Variants in ENPP6 observed in about 807,000 individuals in gnomAD.
ENPP6 encodes glycerophosphocholine cholinephosphodiesterase ENPP6.
ENPP6 carries 32 observed loss-of-function variants against 42.0 expected under a neutral mutation model. The ratio of observed to expected loss-of-function variants is 0.76; its 90% CI spans 0.58 to 1.02. The LOEUF (loss-of-function observed/expected upper bound fraction) is 1.02, where lower values mean the gene tolerates loss of function less well. Ranked by LOEUF, ENPP6 falls within the 50% of genes least tolerant of loss-of-function variation. ENPP6 has a pLI of 0.00. For missense variants in ENPP6, 552 were observed against 566.8 expected (o/e 0.97, Z 0.27); for synonymous variants, 213 against 216.0 (o/e 0.99, Z 0.12).
intron 1 of ENPP6, among the ~76,000 whole-genome samples, chr4:184,207,739 G>C (rs1279505277): frequency 6.6e-6 from 1 of 152,122 alleles, no homozygotes; most frequent in Non-Finnish European, 1.5e-5. Flanking sequence ...AGCACGCTGG[G>C]GCCCTACTCC....
In ENPP6 at chr4:184,184,245, T is replaced by G. The variant is rs778487969; in HGVS notation, c.242-30512A>C. On this transcript the variant is annotated intron_variant, in intron 1 of 7. Transcript: ENST00000296741. The surrounding 1 kb of genome is among the most constrained non-coding windows in gnomAD (Gnocchi z 4.7). ...AGCACCAAGAGCTTTAAGTTTGGAA[T>G]GATTATATTTAGAATAAAAGACAAG... Among the ~76,000 whole-genome samples, 7 of 152,182 alleles carry G rather than the reference T, an allele frequency of 4.6e-5. No individual in the cohort carries two copies. The highest frequency in any genetic ancestry group is 8.8e-5 in the Non-Finnish European group (6 of 68,014).
At chr4:184,157,399 C>T (rs907559347) in intron 1 of ENPP6, among the ~76,000 whole-genome samples, 3 of 137,688 alleles carry the variant, frequency 2.2e-5, no homozygotes, top group East Asian at 2.5e-4. Context: ...TAAATAAATT[C>T]GTTCTTTCTC....
intron 4 of ENPP6, among the ~76,000 whole-genome samples, 175 bp from the exon 5 acceptor site, chr4:184,117,210 G>A: frequency 6.6e-6 from 1 of 152,184 alleles, no homozygotes; most frequent in African/African-American, 2.4e-5. Context: ...GCCCTTTGCG[G>A]AGGGGACTGT....
intron 2 of ENPP6, among the ~76,000 whole-genome samples, chr4:184,129,316 A>G (rs1736557506): frequency 6.6e-6 from 1 of 151,858 alleles, no homozygotes; most frequent in Non-Finnish European, 1.5e-5. Flanking sequence ...ACACACACAC[A>G]CACACACACA....
At chr4:184,160,699 GCTCT>G (rs66473413) in intron 1 of ENPP6, among the ~76,000 whole-genome samples, 62,103 of 151,498 alleles carry the variant, frequency 0.41, 13,071 homozygotes, top group East Asian at 0.6. Context: ...ATCAGCTGGA[GCTCT>G]CTCTCTCTTG....
intron 1 of ENPP6, among the ~76,000 whole-genome samples, chr4:184,187,528 C>G (rs1732650991): frequency 6.6e-6 from 1 of 152,220 alleles, no homozygotes. Context: ...TGTCGCTGTT[C>G]CCTGCCTGGA....
intron 2 of ENPP6, among the ~76,000 whole-genome samples, chr4:184,130,724 A>AAG (rs1204847645): frequency 6.2e-5 from 1 of 16,224 alleles, no homozygotes; most frequent in Admixed American, 3.3e-4. Flanking sequence ...CCTAACTGAC[A>AAG]AGAGAGAGAG....
chr4:184,162,547 A>AGAGGAGGGAGG (rs1553998037), intron 1 of ENPP6, among the ~76,000 whole-genome samples: 1 of 34,524 alleles, frequency 2.9e-5, no homozygotes, highest in African/African-American at 4.8e-5. Context: ...GAGGGAGGGA[A>AGAGGAGGGAGG]GAAGGAAGGA....
At chr4:184,127,371 AAGAT>A (rs775664778) in intron 2 of ENPP6, among the ~76,000 whole-genome samples, 1 of 152,224 alleles carries the variant, frequency 6.6e-6, no homozygotes, top group Non-Finnish European at 1.5e-5. Context: ...TAGTGAAAAA[AAGAT>A]AGGAAAGGAG....
chr4:184,187,370 G>A (rs1732649069), intron 1 of ENPP6, among the ~76,000 whole-genome samples: 1 of 152,204 alleles, frequency 6.6e-6, no homozygotes, highest in East Asian at 1.9e-4. Context: ...TCTGCTCCCT[G>A]CAGCAGATCT....
At chr4:184,194,598 G>A (rs368852503) in intron 1 of ENPP6, among the ~76,000 whole-genome samples, 1 of 152,228 alleles carries the variant, frequency 6.6e-6, no homozygotes, top group African/African-American at 2.4e-5. Flanking sequence ...CAGAGCCCCT[G>A]TGGGACTGCA....
At chr4:184,175,550 T>C (rs1471444237) in intron 1 of ENPP6, among the ~76,000 whole-genome samples, 1 of 152,148 alleles carries the variant, frequency 6.6e-6, no homozygotes. Context: ...GGGCATTTTA[T>C]CACCTTTGGG....
At chr4:184,127,076 T>A (rs1736517141) in intron 2 of ENPP6, among the ~76,000 whole-genome samples, 1 of 152,162 alleles carries the variant, frequency 6.6e-6, no homozygotes, top group Non-Finnish European at 1.5e-5. Context: ...AATACATTTT[T>A]AAAAAAGATT....
At chr4:184,216,190 G>C (rs766067416) in intron 1 of ENPP6, among the ~76,000 whole-genome samples, 1 of 152,338 alleles carries the variant, frequency 6.6e-6, no homozygotes, top group South Asian at 2.1e-4. Context: ...ACACAATCAC[G>C]TCTATGTGAG....
At chr4:184,192,004 G>A (rs997002312) in intron 1 of ENPP6, among the ~76,000 whole-genome samples, 1 of 152,176 alleles carries the variant, frequency 6.6e-6, no homozygotes, top group Non-Finnish European at 1.5e-5. Flanking sequence ...TGGAAAGACA[G>A]CCCATATTCA....
chr4:184,112,264 GACTCACA>G (rs1736206712), intron 6 of ENPP6, among the ~76,000 whole-genome samples: 1 of 152,208 alleles, frequency 6.6e-6, no homozygotes, highest in African/African-American at 2.4e-5. Flanking sequence ...GCAAACTGGG[GACTCACA>G]GTCTCGTTTG....
At chr4:184,156,186 G>C (rs548745020) in intron 1 of ENPP6, among the ~76,000 whole-genome samples, 2 of 152,188 alleles carry the variant, frequency 1.3e-5, no homozygotes, top group African/African-American at 4.8e-5. Context: ...ATGGGAGGGT[G>C]TGCTGTCCCC....
intron 1 of ENPP6, among the ~76,000 whole-genome samples, chr4:184,216,235 G>C (rs1268570503): frequency 1.3e-5 from 2 of 152,230 alleles, no homozygotes; most frequent in African/African-American, 2.4e-5. Flanking sequence ...CCTGCAAGGG[G>C]AGACACATGC....
intron 1 of ENPP6, among the ~76,000 whole-genome samples, chr4:184,172,823 G>A (rs1422342335): frequency 6.6e-6 from 1 of 152,176 alleles, no homozygotes; most frequent in Admixed American, 6.5e-5. Flanking sequence ...GTTCCTGAGT[G>A]GCGTGCATAC....
Sources: gnomAD v4.1 joint callset for allele counts (sites outside exome capture counted in the v4.1 genomes callset) on GRCh38, gnomAD v4.1.1 for gene constraint, Gnocchi (gnomAD v3.1) non-coding constraint, MANE v1.5 for transcripts, NCBI Gene and HGNC (gene_info 2026-07-23, HGNC 2026-07-21) for gene names.